The following CELSR2 variants were observed in gnomAD, a reference collection of about 807,000 sequenced individuals.
CELSR2 encodes the protein EGF-like protein 2.
A neutral mutation model predicts 251.6 loss-of-function variants in CELSR2; 81 were observed. The observed-to-expected ratio is 0.32, with a 90% confidence interval of 0.27 to 0.39. The LOEUF is 0.39. Ranked by LOEUF, CELSR2 falls within the 10% of genes least tolerant of loss-of-function variation. The pLI is 1.00. For missense variants in CELSR2, 3,365 were observed against 3,947.7 expected, an observed-to-expected ratio of 0.85 and a Z score of 3.96; for synonymous variants, 1,721 against 1,670.5, an observed-to-expected ratio of 1.03 and a Z score of -0.74.
rs1655624290 is a variant in CELSR2 at position 109,249,916 on chromosome 1, C to G, written c.-164C>G. 1 of 534,816 alleles carries G rather than the reference C, an allele frequency of 1.9e-6. No homozygotes were observed. The highest frequency in any genetic ancestry group is 2.0e-5 in the African/African-American group (1 of 49,316). 33.1% of individuals were successfully genotyped at this position (534,816 alleles called of 1,614,324 possible). ...AGCCCGGGCTCGTCGGAGGGTGCAGCGCGGGGTCCCGCCGAGCCATCCAGA... is the reference window on the plus strand; with the variant it reads ...AGCCCGGGCTCGTCGGAGGGTGCAGGGCGGGGTCCCGCCGAGCCATCCAGA... On this transcript the variant is annotated 5_prime_UTR_variant, in exon 1 of 34. Coordinates refer to ENST00000271332, the MANE Select transcript of CELSR2 (RefSeq NM_001408.3).
Position 109,264,848 on chromosome 1 carries a change from T to G in CELSR2, c.5465-20T>G. The G allele has an allele frequency of 6.2e-7, 1 of 1,614,172 alleles. No homozygotes were observed. Among genetic ancestry groups the G allele is most frequent in the Non-Finnish European group, 8.5e-7 (1 of 1,180,000 alleles). On this transcript the variant is annotated intron_variant, in intron 11 of 33. Coordinates refer to ENST00000271332, the MANE Select transcript of CELSR2 (RefSeq NM_001408.3). ...AGGGGAGGGTGGGGGAATGAGCCTC[T>G]CTGGTCCTTCTGGTCCCAGGTTACT...
In CELSR2 at chr1:109,266,180, C is replaced by T. The variant is rs772749798; in HGVS notation, c.5987C>T (p.Ala1996Val). Residue 1996 changes from alanine (A) to valine (V), a missense_variant, in exon 15 of 34, where the codon GCT becomes GTT. Ala to Val is a moderately conservative substitution (Grantham distance 64). This residue lies in a region of CELSR2 where 2,093 missense variants were observed against 2,382.8 expected (regional missense o/e 0.88). Coordinates refer to ENST00000271332, the MANE Select transcript of CELSR2 (RefSeq NM_001408.3). ...CGTACCCGCTTCGGGCTGCCTGCTG[C>T]TGCTCCCTGTCCCAAAGGCTCCTTT... ...WPRTRFGLPA[A>V]APCPKGSFGT... 1 of 1,614,140 alleles carries T rather than the reference C, an allele frequency of 6.2e-7. No homozygotes were observed. Among genetic ancestry groups the T allele is most frequent in the Non-Finnish European group, 8.5e-7 (1 of 1,180,034 alleles).
rs1211967352 is a variant in CELSR2 at position 109,250,083 on chromosome 1, C to T, written c.4C>T (p.Arg2Trp). 8 of 1,484,756 alleles carry T rather than the reference C, an allele frequency of 5.4e-6. No homozygotes were observed. The African/African-American group carries it at 7.3e-5, about 14-fold the overall frequency. 92.0% of individuals were successfully genotyped at this position (1,484,756 alleles called of 1,614,324 possible). The change falls in exon 1 of 34, where the codon CGG (arginine) becomes TGG (tryptophan). Residue 2 changes from arginine (R) to tryptophan (W), a missense_variant. Physicochemically the swap from Arg to Trp is moderately radical, Grantham distance 101 (BLOSUM62 -3). Transcript: ENST00000271332. This position sits in a 1 kb window ranked among gnomAD's most constrained non-coding sequence, Gnocchi z 4.4. Reference protein sequence around the residue: MRSPATGVPLPT... With the variant: MWSPATGVPLPT... ...CGCCGGCCGGGAGCTGGGAGAGATGCGGAGCCCGGCCACCGGCGTCCCCCT... is the reference window on the plus strand; with the variant it reads ...CGCCGGCCGGGAGCTGGGAGAGATGTGGAGCCCGGCCACCGGCGTCCCCCT...
At position 109,265,773 on chromosome 1, in the gene CELSR2, C is replaced by G. The variant is rs1250650579; in HGVS notation, c.5766C>G (p.Leu1922=). 8 of 1,613,798 alleles carry G rather than the reference C, an allele frequency of 5.0e-6. 1 individual carries two copies. In the South Asian group the frequency reaches 7.7e-5, roughly 16 times the overall value. ...GGCCCCCAGGCAGCCCCACCTGCCT[C>G]TTGTGTGACTGCTACCCCACAGGCT... ...HYRPPGSPTC[L]LCDCYPTGSL... is the part of the protein sequence containing the mutation. Residue 1922 remains leucine (L), a synonymous_variant, in exon 14 of 34, where the codon CTC becomes CTG. Coordinates refer to ENST00000271332, the MANE Select transcript of CELSR2 (RefSeq NM_001408.3).
rs527248997 is a variant in CELSR2 at position 109,262,748 on chromosome 1, G to A, written c.4545-58G>A. The A allele has an allele frequency of 6.0e-5, 96 of 1,587,170 alleles. No individual in the cohort carries two copies. In the African/African-American group the frequency reaches 1.2e-3, roughly 20 times the overall value. On this transcript the variant is annotated intron_variant, in intron 6 of 33. Coordinates refer to ENST00000271332, the MANE Select transcript of CELSR2 (RefSeq NM_001408.3). ...TGTCTCTGGCCTGGCGGCAGAGCGA[G>A]CGGAGGACCAGAAGCTCCCAGCCCT...
intron 24 of CELSR2, 150 bp downstream of exon 24, chr1:109,270,750 C>T (rs2101278242): frequency 4.4e-6 from 5 of 1,128,708 alleles, no homozygotes; most frequent in Non-Finnish European, 6.3e-6. Context: ...TTAACCCAGA[C>T]TCTGCAGCCG....
At chr1:109,272,212 CCTT>C in intron 28 of CELSR2, 63 bp from the exon 29 acceptor site, 1 of 1,513,332 alleles carries the variant, frequency 6.6e-7, no homozygotes, top group South Asian at 1.3e-5. Context: ...CCTCCACCCT[CCTT>C]CTTCCCAGCC....
Position 109,269,392 on chromosome 1 carries a change from T to C in CELSR2, c.6813-32T>C, listed in dbSNP as rs758304818. ...CGTCTCCCCAGTCATGTGACTGCCGTGGTGACTGTGCACCTGACTGCCCCA... is the reference window on the plus strand; with the variant it reads ...CGTCTCCCCAGTCATGTGACTGCCGCGGTGACTGTGCACCTGACTGCCCCA... On this transcript the variant is annotated intron_variant, in intron 20 of 33. Transcript: ENST00000271332. The surrounding 1 kb of genome is among the most constrained non-coding windows in gnomAD (Gnocchi z 6.4). 4.1e-5 allele frequency: 66 copies of C among 1,611,274 alleles called. No individual in the cohort carries two copies. The highest frequency in any genetic ancestry group is 5.5e-5 in the Non-Finnish European group (65 of 1,178,416).
chr1:109,265,411 G>A (rs1335408969), intron 13 of CELSR2, 100 bp downstream of exon 13: 2 of 1,326,484 alleles, frequency 1.5e-6, no homozygotes, highest in Non-Finnish European at 2.1e-6. Flanking sequence ...TTCCTGTAGA[G>A]CTGAGGGCCT....
At chr1:109,273,841 G>C in intron 33 of CELSR2, 171 bp downstream of exon 33, 1 of 1,031,246 alleles carries the variant, frequency 9.7e-7, no homozygotes, top group Non-Finnish European at 1.5e-6. Flanking sequence ...GGTGCCTTGC[G>C]GGGAGGGCCA....
rs940245906 is a variant in CELSR2 at position 109,273,398 on chromosome 1, C to T, written c.8510-38C>T. 5 of 1,607,784 alleles carry T rather than the reference C, an allele frequency of 3.1e-6. No homozygotes were observed. The African/African-American group carries it at 4.0e-5, about 13-fold the overall frequency. On this transcript the variant is annotated intron_variant, in intron 32 of 33. Transcript: ENST00000271332. ...TCAGCAGCCTCATACCTCACATTCTCCTGTGGCCGCACCTCACAGCCCCGC... is the reference window on the plus strand; with the variant it reads ...TCAGCAGCCTCATACCTCACATTCTTCTGTGGCCGCACCTCACAGCCCCGC...
rs1655634481 is a variant in CELSR2, at chr1:109,250,068, G to C, written c.-12G>C. ...CGCCGTTGACCCGGCCGCCGGCCGG[G>C]AGCTGGGAGAGATGCGGAGCCCGGC... On this transcript the variant is annotated 5_prime_UTR_variant, in exon 1 of 34. Coordinates refer to ENST00000271332, the MANE Select transcript of CELSR2 (RefSeq NM_001408.3). This position sits in a 1 kb window ranked among gnomAD's most constrained non-coding sequence, Gnocchi z 4.4. 7.9e-6 allele frequency: 11 copies of C among 1,394,350 alleles called. No homozygotes were observed. Among genetic ancestry groups the C allele is most frequent in the Non-Finnish European group, 1.0e-5 (11 of 1,082,778 alleles). 86.4% of individuals were successfully genotyped at this position (1,394,350 alleles called of 1,614,324 possible).
Position 109,261,006 on chromosome 1 carries a change from G to C in CELSR2, c.3959-36G>C. On this transcript the variant is annotated intron_variant, in intron 2 of 33. Transcript: ENST00000271332. This position sits in a 1 kb window ranked among gnomAD's most constrained non-coding sequence, Gnocchi z 4.8. ...GGTCTCAGTTCCCCTCCTGTCCTCA[G>C]GTACTTGGTACTCACCTGCCTTTCC... The C allele has an allele frequency of 6.5e-7, 1 of 1,530,650 alleles. No homozygotes were observed. The highest frequency in any genetic ancestry group is 9.0e-7 in the Non-Finnish European group (1 of 1,115,664). 94.8% of individuals were successfully genotyped at this position (1,530,650 alleles called of 1,614,324 possible). A position where few individuals can be genotyped will look rare whatever the true frequency, so the allele number is the denominator to read the frequency against.
rs1299011119 is a variant in CELSR2, at chr1:109,268,027, G to A, written c.6285G>A (p.Gly2095=). Residue 2095 remains glycine (G), a synonymous_variant, in exon 17 of 34, where the codon GGG becomes GGA. Transcript: ENST00000271332. ...LAHESTQRGF[G]LSATQDVHFT... Reference sequence around the variant, plus strand: ...ACGAGAGCACCCAGCGGGGCTTTGGGCTGTCTGCCACACAGGACGTGCACT... The same window carrying A: ...ACGAGAGCACCCAGCGGGGCTTTGGACTGTCTGCCACACAGGACGTGCACT... 6.2e-7 allele frequency: 1 copy of A among 1,606,884 alleles called. No homozygotes were observed. The highest frequency in any genetic ancestry group is 8.5e-7 in the Non-Finnish European group (1 of 1,178,402).
chr1:109,259,025 C>T lies in CELSR2; in HGVS notation c.3904C>T (p.Arg1302Cys), dbSNP rs759227895. ...CYSRPCGPHG[R>C]CRSREGGYTC... ...CTCGCGGCCCTGTGGCCCCCACGGGCGCTGCCGCAGCCGCGAGGGCGGCTA... is the reference window on the plus strand; with the variant it reads ...CTCGCGGCCCTGTGGCCCCCACGGGTGCTGCCGCAGCCGCGAGGGCGGCTA... Residue 1302 changes from arginine (R) to cysteine (C), a missense_variant, in exon 2 of 34, where the codon CGC becomes TGC. By Grantham distance (180) the Arg-to-Cys change is radical. Coordinates refer to ENST00000271332, the MANE Select transcript of CELSR2 (RefSeq NM_001408.3). 2.5e-6 allele frequency: 4 copies of T among 1,599,982 alleles called. No homozygotes were observed. The highest frequency in any genetic ancestry group is 2.5e-6 in the Non-Finnish European group (3 of 1,177,226).
Position 109,265,866 on chromosome 1 carries a change from G to A in CELSR2, c.5859G>A (p.Gln1953=), listed in dbSNP as rs775483178. The change falls in exon 14 of 34, where the codon CAG becomes CAA. Residue 1953 remains glutamine, a synonymous_variant. Transcript: ENST00000271332. ...GCAAGCCAGGTGTCATCGGGCGTCA[G>A]TGTGACCGCTGTGACAACCCTTTTG... ...CPCKPGVIGR[Q]CDRCDNPFAE... 2 of 1,614,096 alleles carry A rather than the reference G, an allele frequency of 1.2e-6. No individual in the cohort carries two copies. The highest frequency in any genetic ancestry group is 1.7e-6 in the Non-Finnish European group (2 of 1,180,008).
At chr1:109,259,909 G>T (rs1280897895) in intron 2 of CELSR2, among the ~76,000 whole-genome samples, 1 of 151,992 alleles carries the variant, frequency 6.6e-6, no homozygotes, top group East Asian at 1.9e-4. Context: ...CTCCCTTCAG[G>T]CTCCTGTGTC....
In CELSR2 at chr1:109,267,990, G is replaced by A. The variant is rs760545756; in HGVS notation, c.6248G>A (p.Arg2083Gln). 52 of 1,610,648 alleles carry A rather than the reference G, an allele frequency of 3.2e-5. 1 individual carries two copies. In the Admixed American group the frequency reaches 4.3e-4, roughly 13 times the overall value. Residue 2083 changes from arginine (R) to glutamine (Q), a missense_variant, in exon 17 of 34, where the codon CGG (arginine) becomes CAG (glutamine). Physicochemically the swap from Arg to Gln is conservative, Grantham distance 43. Around this residue, in one of 5 missense-constraint regions of CELSR2, gnomAD observed 2,093 missense variants for 2,382.8 expected, o/e 0.88. Transcript: ENST00000271332. The part of the protein sequence containing the change: ...DVKVAYQLAT[R>Q]LLAHESTQRG... ...AAGGTGGCCTACCAGCTGGCCACGC[G>A]GCTGCTGGCCCACGAGAGCACCCAG... is the stretch of plus-strand genomic sequence containing the variant.
intron 2 of CELSR2, among the ~76,000 whole-genome samples, chr1:109,260,151 T>C (rs1462581054): frequency 2.6e-5 from 3 of 117,566 alleles, no homozygotes; most frequent in Non-Finnish European, 5.3e-5. Context: ...GGGAGAGAAG[T>C]CTTTGTCCAG....
Sources: allele counts gnomAD v4.1 joint callset (sites outside exome capture counted in the v4.1 genomes callset), GRCh38; gene constraint gnomAD v4.1.1; regional missense constraint gnomAD v4.1.1; non-coding constraint Gnocchi (gnomAD v3.1); transcripts MANE v1.5; gene names NCBI Gene and HGNC (gene_info 2026-07-23, HGNC 2026-07-21).